DLGAP2: variants seen among roughly 807,000 people sequenced by gnomAD.
DLGAP2 encodes DLG associated protein 2, also known as disks large-associated protein 2.
In DLGAP2, 26 loss-of-function variants were observed where a neutral mutation model predicts 100.3. The observed-to-expected ratio is 0.26, with a 90% CI of 0.19 to 0.36. DLGAP2 has a LOEUF of 0.36. Ranked by LOEUF, DLGAP2 falls within the 10% of genes least tolerant of loss-of-function variation. The probability of loss-of-function intolerance (pLI) is 1.00; values close to 1 mark genes in which losing one functional copy is unlikely to be tolerated. For missense variants in DLGAP2, 1,858 were observed against 1,453.2 expected, an observed-to-expected ratio of 1.28 and a Z score of -4.53; for synonymous variants, 886 against 630.1, an observed-to-expected ratio of 1.41 and a Z score of -6.08.
intron 1 of DLGAP2, among the ~76,000 whole-genome samples, chr8:902,416 G>T (rs1463881647): frequency 2.0e-5 from 3 of 150,324 alleles, no homozygotes; most frequent in East Asian, 2.1e-4. Flanking sequence ...ACGGTGTGCA[G>T]TTCGTGCTGG....
intron 1 of DLGAP2, among the ~76,000 whole-genome samples, chr8:841,771 G>A (rs1036168010): frequency 6.6e-6 from 1 of 152,122 alleles, no homozygotes; most frequent in East Asian, 1.9e-4. Context: ...AAGACTAACC[G>A]TCACATGAAT....
At chr8:1,025,007 C>T (rs1452815453) in intron 2 of DLGAP2, among the ~76,000 whole-genome samples, 1 of 152,078 alleles carries the variant, frequency 6.6e-6, no homozygotes, top group African/African-American at 2.4e-5. Context: ...GCCGTTCTCT[C>T]TCTCTCTGTG....
intron 3 of DLGAP2, among the ~76,000 whole-genome samples, chr8:1,386,495 A>G (rs1048232383): frequency 6.6e-6 from 1 of 152,162 alleles, no homozygotes; most frequent in South Asian, 2.1e-4. Context: ...TCCCTCCAGA[A>G]TCCTGGAGAA....
chr8:1,153,517 AC>A (rs1554492946), intron 2 of DLGAP2, among the ~76,000 whole-genome samples: 1 of 152,194 alleles, frequency 6.6e-6, no homozygotes, highest in Non-Finnish European at 1.5e-5. Flanking sequence ...AACACATTCT[AC>A]CAATGTTGAT....
intron 4 of DLGAP2, among the ~76,000 whole-genome samples, chr8:1,533,363 G>T (rs888350809): frequency 6.6e-6 from 1 of 151,886 alleles, no homozygotes; most frequent in African/African-American, 2.4e-5. Flanking sequence ...AAAATTAGCC[G>T]GGCGTTGTGG....
At chr8:1,075,015 T>G (rs1290531217) in intron 2 of DLGAP2, among the ~76,000 whole-genome samples, 2 of 141,364 alleles carry the variant, frequency 1.4e-5, no homozygotes, top group East Asian at 2.1e-4. Flanking sequence ...CAGCCAGGGG[T>G]GGAGTGGGGG....
intron 4 of DLGAP2, among the ~76,000 whole-genome samples, chr8:1,520,459 C>A (rs765030839): frequency 1.3e-5 from 2 of 152,162 alleles, no homozygotes; most frequent in Admixed American, 1.3e-4. Context: ...TCATCCTTCA[C>A]GTCAGGGGTC....
At chr8:899,746 A>G (rs1283771497) in intron 1 of DLGAP2, among the ~76,000 whole-genome samples, 1 of 152,236 alleles carries the variant, frequency 6.6e-6, no homozygotes, top group African/African-American at 2.4e-5. Context: ...GAAAGAATTA[A>G]TTGAGTATAT....
intron 1 of DLGAP2, among the ~76,000 whole-genome samples, chr8:749,353 C>T (rs1186631103): frequency 1.3e-5 from 2 of 152,198 alleles, no homozygotes; most frequent in Non-Finnish European, 2.9e-5. Flanking sequence ...TAATATATTA[C>T]AAGTCAGCAA....
chr8:1,514,318 G>A (rs1302131783), intron 4 of DLGAP2, among the ~76,000 whole-genome samples: 2 of 152,210 alleles, frequency 1.3e-5, no homozygotes, highest in Non-Finnish European at 2.9e-5. Context: ...CGAAGCGAAG[G>A]GTAACCCCCA....
chr8:1,096,693 A>G (rs1369656191), intron 2 of DLGAP2, among the ~76,000 whole-genome samples: 1 of 144,492 alleles, frequency 6.9e-6, no homozygotes, highest in Non-Finnish European at 1.5e-5. Flanking sequence ...CCTCTGTGGC[A>G]TAGAGAGGTC....
At chr8:1,514,313 C>T (rs913223351) in intron 4 of DLGAP2, among the ~76,000 whole-genome samples, 2 of 152,244 alleles carry the variant, frequency 1.3e-5, no homozygotes, top group African/African-American at 2.4e-5. Context: ...TCCTGCGAAG[C>T]GAAGGGTAAC....
At chr8:1,025,317 G>C (rs1223761915) in intron 2 of DLGAP2, among the ~76,000 whole-genome samples, 1 of 152,126 alleles carries the variant, frequency 6.6e-6, no homozygotes, top group Non-Finnish European at 1.5e-5. Flanking sequence ...TGACGTGTCT[G>C]AAGATTGTTT....
At chr8:1,641,968 ACCCCGCCGGTCCCC>A (rs1563275425) in intron 8 of DLGAP2, among the ~76,000 whole-genome samples, 12 of 70,394 alleles carry the variant, frequency 1.7e-4, no homozygotes, top group African/African-American at 1.1e-3. Context: ...GTCACCCTCG[ACCCCGCCGGTCCCC>A]ACCTGTGTCA....
chr8:958,291 C>T (rs907860962), intron 2 of DLGAP2, among the ~76,000 whole-genome samples: 1 of 152,140 alleles, frequency 6.6e-6, no homozygotes, highest in Non-Finnish European at 1.5e-5. Flanking sequence ...TCGATCCATT[C>T]ATCTATTGAT....
At chr8:1,236,060 G>GTCTAGTTCTCTCTCACATGGCACCA (rs1798645203) in intron 2 of DLGAP2, among the ~76,000 whole-genome samples, 1 of 47,492 alleles carries the variant, frequency 2.1e-5, no homozygotes, top group Non-Finnish European at 3.8e-5. Flanking sequence ...ACATGGCACC[G>GTCTAGTTCTCTCTCACATGGCACCA]TGTCTAGTTC....
chr8:1,472,767 G>A (rs1264212864), intron 3 of DLGAP2, among the ~76,000 whole-genome samples: 1 of 152,174 alleles, frequency 6.6e-6, no homozygotes, highest in African/African-American at 2.4e-5. Flanking sequence ...GGGTGACAAG[G>A]ATGCACAGTG....
At chr8:1,476,245 G>T (rs944172696) in intron 3 of DLGAP2, among the ~76,000 whole-genome samples, 6 of 152,160 alleles carry the variant, frequency 3.9e-5, no homozygotes, top group African/African-American at 1.4e-4. Context: ...ATTTCTGTAC[G>T]TTTTTGAAGT....
At chr8:1,413,789 A>G (rs1796800041) in intron 3 of DLGAP2, among the ~76,000 whole-genome samples, 1 of 152,246 alleles carries the variant, frequency 6.6e-6, no homozygotes, top group South Asian at 2.1e-4. Flanking sequence ...AGGTCTCACA[A>G]AGCTCCATCA....
Sources: gnomAD v4.1 joint callset for allele counts (sites outside exome capture counted in the v4.1 genomes callset) on GRCh38, gnomAD v4.1.1 for gene constraint, MANE v1.5 for transcripts, NCBI Gene and HGNC (gene_info 2026-07-23, HGNC 2026-07-21) for gene names.